PANK1: variants seen among roughly 807,000 people sequenced by gnomAD.
PANK1 encodes the protein pantothenic acid kinase 1.
PANK1 carries 18 observed loss-of-function variants against 40.1 expected under a neutral mutation model. The observed-to-expected ratio is 0.45, with a 90% CI of 0.31 to 0.67. The LOEUF is 0.67. Among genes scored for constraint, PANK1 ranks in the 30% least tolerant of loss-of-function variants. The probability of loss-of-function intolerance (pLI) is 0.06; values close to 1 mark genes in which losing one functional copy is unlikely to be tolerated. For synonymous variants in PANK1, 242 were observed against 237.7 expected, an observed-to-expected ratio of 1.02 and a Z score of -0.17; for missense variants, 457 against 599.6, an observed-to-expected ratio of 0.76 and a Z score of 2.48.
intron 1 of PANK1, among the ~76,000 whole-genome samples, chr10:89,636,900 C>T (rs868850521): frequency 7.6e-4 from 115 of 150,822 alleles, no homozygotes; most frequent in African/African-American, 2.6e-3. Context: ...CTCTCCCTGT[C>T]GCCCAGGCTA....
chr10:89,615,315 A>C (rs1376433747), intron 1 of PANK1, among the ~76,000 whole-genome samples: 1 of 152,252 alleles, frequency 6.6e-6, no homozygotes, highest in East Asian at 1.9e-4. Flanking sequence ...AAGAGCCTGC[A>C]CATAACCTTT....
intron 5 of PANK1, chr10:89,592,746 C>G (rs747485081): frequency 3.7e-6 from 2 of 535,042 alleles, no homozygotes. Context: ...GTAGCAAGCT[C>G]TCTGTGCTTT....
chr10:89,612,924 C>A (rs184692017), intron 1 of PANK1, among the ~76,000 whole-genome samples: 10 of 152,330 alleles, frequency 6.6e-5, no homozygotes, highest in Admixed American at 6.5e-4. Context: ...TTGGAAACTA[C>A]TAAACCAGAG....
chr10:89,643,725 TAA>T (rs1842029937), intron 1 of PANK1: 13 of 1,613,916 alleles, frequency 8.1e-6, no homozygotes, highest in Non-Finnish European at 1.0e-5. Flanking sequence ...TAAGCTTCAT[TAA>T]AGACACCCAC....
intron 6 of PANK1, among the ~76,000 whole-genome samples, chr10:89,587,865 T>G (rs191821922): frequency 7.3e-4 from 111 of 152,346 alleles, no homozygotes; most frequent in African/African-American, 2.5e-3. Flanking sequence ...TTATGATTTA[T>G]GAATACAATG....
At position 89,595,399 on chromosome 10, in the gene PANK1, C is replaced by T. The variant is rs371810166; in HGVS notation, c.900-1410G>A. On this transcript the variant is annotated intron_variant, in intron 3 of 6. Transcript: ENST00000307534. ...CCAGGAGGTGGAGGTTGCAGTGAGC[C>T]GGGATTGTGCCATTGCACTCCAGCC... 3.4e-4 allele frequency among the ~76,000 whole-genome samples: 51 copies of T among 152,150 alleles called. No individual in the cohort carries two copies. In the East Asian group the frequency reaches 6.4e-3, roughly 19 times the overall value.
chr10:89,639,206 G>A (rs749555381), intron 1 of PANK1: 14 of 454,300 alleles, frequency 3.1e-5, no homozygotes, highest in South Asian at 2.2e-4. Context: ...AGGCCTTCTT[G>A]CTGCATCATC....
intron 1 of PANK1, among the ~76,000 whole-genome samples, chr10:89,624,779 C>T (rs532559768): frequency 1.3e-5 from 2 of 152,336 alleles, no homozygotes; most frequent in Non-Finnish European, 2.9e-5. Flanking sequence ...GATTCTGATT[C>T]AGTGGGATAG....
In PANK1 at chr10:89,583,066, A is replaced by G. The variant is rs1844084048; in HGVS notation, c.*1340T>C. The G allele has an allele frequency of 6.6e-6, 1 of 152,198 alleles. No homozygotes were observed. The highest frequency in any genetic ancestry group is 1.5e-5 in the Non-Finnish European group (1 of 68,008). 9.4% of individuals were successfully genotyped at this position (152,198 alleles called of 1,614,324 possible). On this transcript the variant is annotated 3_prime_UTR_variant, in exon 7 of 7. Transcript: ENST00000307534. Reference sequence around the variant, plus strand: ...ATCAACTTCTTCAAGACTTGAAGATATGGAAATTAAAGACGGTGCTCAGAA... The same window carrying G: ...ATCAACTTCTTCAAGACTTGAAGATGTGGAAATTAAAGACGGTGCTCAGAA...
chr10:89,594,211 GAA>G (rs1329695843), intron 3 of PANK1, among the ~76,000 whole-genome samples: 1 of 152,080 alleles, frequency 6.6e-6, no homozygotes, highest in Non-Finnish European at 1.5e-5. Context: ...CTAAATTTGA[GAA>G]CAAAACCAAA....
At chr10:89,631,732 G>A (rs1191879079) in intron 1 of PANK1, among the ~76,000 whole-genome samples, 1 of 152,208 alleles carries the variant, frequency 6.6e-6, no homozygotes, top group African/African-American at 2.4e-5. Context: ...CTCAGACCAT[G>A]AAGAAATGGT....
chr10:89,593,838 G>A lies in PANK1; in HGVS notation c.1051C>T (p.Leu351Phe). 1 of 1,613,768 alleles carries A rather than the reference G, an allele frequency of 6.2e-7. No individual in the cohort carries two copies. The highest frequency in any genetic ancestry group is 8.5e-7 in the Non-Finnish European group (1 of 1,179,724). ...CTTGATGCTACAGCAGATCCTTGAA[G>A]GCCAAATCGTTCATAGTCTCCTCCG... is the stretch of plus-strand genomic sequence containing the variant. Reference protein sequence around the residue: ...IYGGDYERFGLQGSAVASSFG... With the variant: ...IYGGDYERFGFQGSAVASSFG... The change falls in exon 4 of 7, where the codon CTT becomes TTT. Residue 351 changes from leucine to phenylalanine, a missense_variant. By Grantham distance (22) the Leu-to-Phe change is conservative. This residue lies in a region of PANK1 where 286 missense variants were observed against 415.8 expected (regional missense o/e 0.69). Coordinates refer to ENST00000307534, the MANE Select transcript of PANK1 (RefSeq NM_148977.3).
intron 1 of PANK1, among the ~76,000 whole-genome samples, chr10:89,619,749 G>A (rs1439338819): frequency 6.6e-6 from 1 of 152,202 alleles, no homozygotes; most frequent in Non-Finnish European, 1.5e-5. Flanking sequence ...TGAATAGGGT[G>A]CAGCAGGACT....
intron 1 of PANK1, 94 bp from the exon 2 acceptor site, chr10:89,612,142 T>C (rs758887548): frequency 9.4e-6 from 9 of 959,668 alleles, no homozygotes; most frequent in South Asian, 3.2e-5. Flanking sequence ...AGTGGTATCA[T>C]ATCTACATGT....
At chr10:89,606,222 A>G (rs1844961892) in intron 2 of PANK1, among the ~76,000 whole-genome samples, 1 of 152,190 alleles carries the variant, frequency 6.6e-6, no homozygotes, top group South Asian at 2.1e-4. Context: ...CACCGGCTGC[A>G]TTAGCCCTTA....
At chr10:89,582,249 G>A (rs1190797218), downstream of PANK1, 3 of 152,116 alleles carry the variant, frequency 2.0e-5, no homozygotes, top group Admixed American at 6.5e-5. Context: ...TATTGCACAA[G>A]GTCAAAATTC....
chr10:89,638,314 C>T (rs1159451835), intron 1 of PANK1, among the ~76,000 whole-genome samples: 1 of 152,250 alleles, frequency 6.6e-6, no homozygotes, highest in African/African-American at 2.4e-5. Context: ...GAGGTCATGG[C>T]ACCCTGTGCC....
chr10:89,633,207 AG>A (rs1377423205), intron 1 of PANK1, among the ~76,000 whole-genome samples: 6 of 152,298 alleles, frequency 3.9e-5, no homozygotes, highest in Non-Finnish European at 8.8e-5. Flanking sequence ...AGAGTTGGGA[AG>A]TCATGTGTAT....
intron 1 of PANK1, among the ~76,000 whole-genome samples, chr10:89,640,189 GAC>G (rs56017484): frequency 0.042 from 6,411 of 152,244 alleles, 202 homozygotes; most frequent in Non-Finnish European, 0.069. Context: ...CAGAACAATG[GAC>G]ACAGAGATGT....
Sources: allele counts gnomAD v4.1 joint callset (sites outside exome capture counted in the v4.1 genomes callset), GRCh38; gene constraint gnomAD v4.1.1; regional missense constraint gnomAD v4.1.1; transcripts MANE v1.5; gene names NCBI Gene and HGNC (gene_info 2026-07-23, HGNC 2026-07-21).